FAM133A: variants seen among roughly 807,000 people sequenced by gnomAD.
FAM133A encodes family with sequence similarity 133 member A, also known as protein FAM133A.
For synonymous variants in FAM133A, 65 were observed against 58.6 expected (o/e 1.11, Z -0.50); for missense variants, 159 against 164.4 (o/e 0.97, Z 0.18).
intron 2 of FAM133A, among the ~76,000 whole-genome samples, chrX:93,678,558 C>A (rs970667808): frequency 1.8e-5 from 2 of 111,419 alleles, no homozygotes; most frequent in Non-Finnish European, 3.8e-5. Context: ...TTTGCTTAAC[C>A]CAAAGTCACA....
chrX:93,707,889 G>C (rs143235862), intron 3 of FAM133A, among the ~76,000 whole-genome samples: 1 of 112,056 alleles, frequency 8.9e-6, no homozygotes, highest in African/African-American at 3.2e-5. Context: ...TGGTGAATAA[G>C]ATAGGCCACA....
Position 93,681,287 on chromosome X carries a change from G to GTCTATCTATCTATCTATCTA in FAM133A, c.-193+6543_-193+6562dup, listed in dbSNP as rs55666833. On this transcript the variant is annotated intron_variant, in intron 2 of 3. Transcript: ENST00000683942. ...TTATATGATATCTTAGATATATTCT[G>GTCTATCTATCTATCTATCTA]TCTATCTATCTATCTATCTATCTAT... Among the ~76,000 whole-genome samples the GTCTATCTATCTATCTATCTA allele has an allele frequency of 5.9e-3, 622 of 104,791 alleles. 6 individuals are homozygous for GTCTATCTATCTATCTATCTA. The highest frequency in any genetic ancestry group is 0.019 in the African/African-American group (555 of 28,661). The allele number at this position is 104,791 out of a possible 115,157, so 91.0% of individuals were successfully genotyped here.
chrX:93,707,365 A>G (rs1457404009), intron 3 of FAM133A, among the ~76,000 whole-genome samples: 1 of 111,519 alleles, frequency 9.0e-6, no homozygotes, highest in Non-Finnish European at 1.9e-5. Context: ...TGTCTATAGC[A>G]TTGAGCTTAT....
chrX:93,686,598 G>A (rs1925547149), intron 2 of FAM133A, among the ~76,000 whole-genome samples: 1 of 111,984 alleles, frequency 8.9e-6, no homozygotes, highest in Non-Finnish European at 1.9e-5. Context: ...CACGGAAACA[G>A]GGAATACAAC....
In FAM133A at chrX:93,709,520, TA is replaced by T; in HGVS notation, c.104del (p.Asn35IlefsTer10). The T allele has an allele frequency of 8.3e-7, 1 of 1,208,585 alleles. No homozygotes were observed. Among genetic ancestry groups the T allele is most frequent in the Non-Finnish European group, 1.1e-6 (1 of 894,373 alleles). ...GTGGGCCCAACAATCCAAGATTATC[TA>T]AATCGACCAAGACCCACCTGGGAAG... ...QSVGPTIQDY[L>X]NRPRPTWEEV... is the part of the protein sequence containing the mutation. On this transcript the variant is annotated frameshift_variant, in exon 4 of 4. Coordinates refer to ENST00000683942, the MANE Select transcript of FAM133A (RefSeq NM_001171109.2). LOFTEE classifies it low-confidence loss of function (END_TRUNC).
intron 3 of FAM133A, among the ~76,000 whole-genome samples, chrX:93,705,396 A>G (rs2034035543): frequency 4.5e-5 from 5 of 111,532 alleles, no homozygotes; most frequent in Admixed American, 2.9e-4. Context: ...TGAGCAAGAG[A>G]CTTTGTTGGT....
chrX:93,681,919 C>G (rs1361615695), intron 2 of FAM133A, among the ~76,000 whole-genome samples: 1 of 111,766 alleles, frequency 8.9e-6, no homozygotes, highest in Non-Finnish European at 1.9e-5. Context: ...TATGACATGA[C>G]AAGAGAATTA....
intron 3 of FAM133A, among the ~76,000 whole-genome samples, chrX:93,701,774 G>A (rs1926723484): frequency 1.8e-5 from 2 of 112,099 alleles, no homozygotes; most frequent in African/African-American, 3.2e-5. Context: ...ATTTCCTAAA[G>A]CATTGACACT....
At chrX:93,699,997 CTAATT>C (rs757562350) in intron 3 of FAM133A, among the ~76,000 whole-genome samples, 17 of 109,053 alleles carry the variant, frequency 1.6e-4, no homozygotes, top group Admixed American at 3.9e-4. Flanking sequence ...TCATCTTAAT[CTAATT>C]TGAGAACATT....
At chrX:93,704,938 C>T (rs1413808700) in intron 3 of FAM133A, among the ~76,000 whole-genome samples, 1 of 111,048 alleles carries the variant, frequency 9.0e-6, no homozygotes, top group Non-Finnish European at 1.9e-5. Flanking sequence ...CTTTTTCTGG[C>T]TAGCTCTGGT....
intron 3 of FAM133A, 120 bp from the exon 4 acceptor site, chrX:93,709,197 A>C: frequency 3.1e-6 from 1 of 321,709 alleles, no homozygotes; most frequent in East Asian, 5.1e-5. Context: ...TTCCCATGGT[A>C]TAAGATTTTG....
In FAM133A at chrX:93,700,264, G is replaced by C. The variant is rs182855218; in HGVS notation, c.-104+1779G>C. On this transcript the variant is annotated intron_variant, in intron 3 of 3. Coordinates refer to ENST00000683942, the MANE Select transcript of FAM133A (RefSeq NM_001171109.2). ...TCCCAATATTTTCTATTAAAGTCCT[G>C]GTTAGACTCATTCTGATATATTTGG... Among the ~76,000 whole-genome samples, 760 of 110,257 alleles carry C rather than the reference G, an allele frequency of 6.9e-3. 8 individuals are homozygous for C. Among genetic ancestry groups the C allele is most frequent in the African/African-American group, 0.023 (713 of 30,383 alleles).
At chrX:93,701,242 A>G (rs1024570349) in intron 3 of FAM133A, among the ~76,000 whole-genome samples, 2 of 111,987 alleles carry the variant, frequency 1.8e-5, no homozygotes, top group Non-Finnish European at 3.8e-5. Flanking sequence ...TCAATCTGAA[A>G]GTTTGAAATA....
rs1301421565 is a variant in FAM133A, at chrX:93,710,231, C to T, written c.*65C>T. ...CTGTGTTAGTAGAATTATTTCTGGA[C>T]TTTGAGTTGCCTATCAAATCCCACT... is the stretch of plus-strand genomic sequence containing the variant. On this transcript the variant is annotated 3_prime_UTR_variant, in exon 4 of 4. Coordinates refer to ENST00000683942, the MANE Select transcript of FAM133A (RefSeq NM_001171109.2). 5 of 1,092,886 alleles carry T rather than the reference C, an allele frequency of 4.6e-6. No homozygotes were observed. The African/African-American group carries it at 9.5e-5, about 21-fold the overall frequency. 90.1% of individuals were successfully genotyped at this position (1,092,886 alleles called of 1,213,427 possible).
At chrX:93,686,956 G>A (rs1260104144) in intron 2 of FAM133A, among the ~76,000 whole-genome samples, 1 of 112,123 alleles carries the variant, frequency 8.9e-6, no homozygotes, top group Non-Finnish European at 1.9e-5. Context: ...TCCTCTGCAT[G>A]AGCCCTGAAT....
intron 2 of FAM133A, among the ~76,000 whole-genome samples, chrX:93,687,307 G>C (rs1382249236): frequency 9.0e-6 from 1 of 110,854 alleles, no homozygotes; most frequent in African/African-American, 3.3e-5. Context: ...AAAGGCATAA[G>C]AATGATATAA....
In FAM133A at chrX:93,709,360, G is replaced by A. The variant is rs748080321; in HGVS notation, c.-60G>A. On this transcript the variant is annotated 5_prime_UTR_variant, in exon 4 of 4. Coordinates refer to ENST00000683942, the MANE Select transcript of FAM133A (RefSeq NM_001171109.2). ...TTTCACTAGATAAAGAATTTAAGGCGAGTATCTATCTTTGTTCTCCTTGGC... is the reference window on the plus strand; with the variant it reads ...TTTCACTAGATAAAGAATTTAAGGCAAGTATCTATCTTTGTTCTCCTTGGC... 5.6e-6 allele frequency: 6 copies of A among 1,069,106 alleles called. No homozygotes were observed. In the East Asian group the frequency reaches 1.7e-4, roughly 30 times the overall value. 88.1% of individuals were successfully genotyped at this position (1,069,106 alleles called of 1,213,427 possible). A position where few individuals can be genotyped will look rare whatever the true frequency, so the allele number is the denominator to read the frequency against.
chrX:93,695,667 A>G (rs1457155552), intron 2 of FAM133A, among the ~76,000 whole-genome samples: 8 of 73,003 alleles, frequency 1.1e-4, no homozygotes, highest in Non-Finnish European at 1.7e-4. Context: ...TTTGAGACAG[A>G]GTCTCGCTCT....
chrX:93,699,300 G>A (rs5983595), intron 3 of FAM133A, among the ~76,000 whole-genome samples: 45,065 of 110,208 alleles, frequency 0.41, 7,506 homozygotes, highest in Admixed American at 0.53. Context: ...TAAAAGATGG[G>A]ACAGATAGAA....
Sources: allele counts gnomAD v4.1 joint callset (sites outside exome capture counted in the v4.1 genomes callset), GRCh38; gene constraint gnomAD v4.1.1; transcripts MANE v1.5; gene names NCBI Gene and HGNC (gene_info 2026-07-23, HGNC 2026-07-21).